Variants in LTBR observed in about 807,000 individuals in gnomAD.
The protein encoded by LTBR is lymphotoxin beta receptor.
LTBR carries 15 observed loss-of-function variants against 45.4 expected under a neutral mutation model. The ratio of observed to expected loss-of-function variants is 0.33; its 90% confidence interval spans 0.22 to 0.51. LTBR has a LOEUF of 0.51. LTBR is among the 20% of genes least tolerant of loss of function. The pLI is 0.97. For synonymous variants in LTBR, 228 were observed against 231.0 expected, an observed-to-expected ratio of 0.99 and a Z score of 0.12; for missense variants, 450 against 565.5, an observed-to-expected ratio of 0.80 and a Z score of 2.07.
chr12:6,382,526 G>T (rs974472319), upstream of LTBR, among the ~76,000 whole-genome samples: 28 of 152,188 alleles, frequency 1.8e-4, no homozygotes, highest in African/African-American at 6.5e-4. Context: ...AGCCCCCAGC[G>T]CTAGGGCCCT....
chr12:6,381,423 A>T (rs749093374), upstream of LTBR, among the ~76,000 whole-genome samples: 7 of 152,328 alleles, frequency 4.6e-5, no homozygotes, highest in Non-Finnish European at 8.8e-5. Flanking sequence ...CAGACCTGCA[A>T]GCAAACCAGT....
chr12:6,389,979 G>C, intron 8 of LTBR, 133 bp from the exon 9 acceptor site: 2 of 669,478 alleles, frequency 3.0e-6, no homozygotes, highest in Non-Finnish European at 5.2e-6. Flanking sequence ...GAGAGAGAGA[G>C]AAAGAGAGAG....
chr12:6,380,683 C>T (rs1783444959), upstream of LTBR, among the ~76,000 whole-genome samples: 1 of 147,538 alleles, frequency 6.8e-6, no homozygotes, highest in Admixed American at 6.8e-5. Context: ...GACTGAGACT[C>T]TGTCTCAAAA....
chr12:6,383,029 T>A (rs1949000240), upstream of LTBR, among the ~76,000 whole-genome samples: 1 of 152,202 alleles, frequency 6.6e-6, no homozygotes, highest in Admixed American at 6.5e-5. Context: ...TGTGCCAGAC[T>A]CTGCTAAGCA....
Position 6,386,293 on chromosome 12 carries a change from G to T in LTBR, c.570-54G>T. 1.9e-6 allele frequency: 3 copies of T among 1,540,980 alleles called. No individual in the cohort carries two copies. Among genetic ancestry groups the T allele is most frequent in the African/African-American group, 2.7e-5 (2 of 73,468 alleles). ...GCCTCCCCGCCTGCCCAGTGGAGTCGGGACACTGGTGGGCCAGGGCGTGAA... is the reference window on the plus strand; with the variant it reads ...GCCTCCCCGCCTGCCCAGTGGAGTCTGGACACTGGTGGGCCAGGGCGTGAA... On this transcript the variant is annotated intron_variant, in intron 5 of 9. Coordinates refer to ENST00000228918, the MANE Select transcript of LTBR (RefSeq NM_002342.3). The surrounding 1 kb of genome is among the most constrained non-coding windows in gnomAD (Gnocchi z 4.1).
chr12:6,390,594 A>G (rs1287916304), intron 9 of LTBR, 66 bp from the exon 10 acceptor site: 23 of 1,464,380 alleles, frequency 1.6e-5, no homozygotes, highest in Non-Finnish European at 2.1e-5. Context: ...GAAGGCAAGA[A>G]TTCAAGAAGC....
upstream of LTBR, among the ~76,000 whole-genome samples, chr12:6,381,223 T>A (rs1191405583): frequency 6.6e-6 from 1 of 151,952 alleles, no homozygotes; most frequent in East Asian, 1.9e-4. Context: ...GATGGCAGGG[T>A]GATGTAGCAT....
Position 6,390,884 on chromosome 12 carries a change from G to A in LTBR, c.1255G>A (p.Gly419Ser). 1 of 1,600,800 alleles carries A rather than the reference G, an allele frequency of 6.2e-7. No individual in the cohort carries two copies. Among genetic ancestry groups the A allele is most frequent in the East Asian group, 2.3e-5 (1 of 44,154 alleles). The change falls in exon 10 of 10, where the codon GGT (glycine) becomes AGT (serine). Residue 419 changes from glycine to serine, a missense_variant. By Grantham distance (56) the Gly-to-Ser change is moderately conservative (BLOSUM62 0). Around this residue, in one of 3 missense-constraint regions of LTBR, gnomAD observed 71 missense variants for 90.4 expected, o/e 0.79. Transcript: ENST00000228918. ...GCACCTAGCGGAGACAGAGCACTGT[G>A]GTGCCACACCCTCTAACAGGGGCCC... The part of the protein sequence containing the change: ...AWHLAETEHC[G>S]ATPSNRGPRN...
At chr12:6,377,678 T>C (rs1158782252) in intron 1 of LTBR, 1 of 1,299,592 alleles carries the variant, frequency 7.7e-7, no homozygotes, top group Non-Finnish European at 1.0e-6. Flanking sequence ...TTGGGCATGG[T>C]CCTCCCTGCA....
chr12:6,381,868 G>A (rs1344866367), upstream of LTBR, among the ~76,000 whole-genome samples: 2 of 152,216 alleles, frequency 1.3e-5, no homozygotes, highest in South Asian at 2.1e-4. Context: ...AGCTACTCGG[G>A]AGGTTGAGGC....
intron 3 of LTBR, 21 bp downstream of exon 3, chr12:6,385,168 G>A (rs770188834): frequency 5.6e-6 from 9 of 1,613,666 alleles, no homozygotes; most frequent in Non-Finnish European, 6.8e-6. Context: ...ATGTGCCTGC[G>A]GGGGGGCTGG....
At position 6,386,508 on chromosome 12, in the gene LTBR, C is replaced by T; in HGVS notation, c.667+64C>T. ...CTGAAAATGCCTTAATGCTCCACATCTTAAAAAAAATGGGGAAAAGATGAA... is the reference window on the plus strand; with the variant it reads ...CTGAAAATGCCTTAATGCTCCACATTTTAAAAAAAATGGGGAAAAGATGAA... On this transcript the variant is annotated intron_variant, in intron 6 of 9. Transcript: ENST00000228918. The surrounding 1 kb of genome is among the most constrained non-coding windows in gnomAD (Gnocchi z 4.1). The T allele has an allele frequency of 8.0e-7, 1 of 1,255,902 alleles. No individual in the cohort carries two copies. Among genetic ancestry groups the T allele is most frequent in the Non-Finnish European group, 1.1e-6 (1 of 876,856 alleles). 77.8% of individuals were successfully genotyped at this position (1,255,902 alleles called of 1,614,324 possible).
Position 6,384,702 on chromosome 12 carries a change from G to A in LTBR, c.193+18G>A. Reference sequence around the variant, plus strand: ...CCCGCCAGGTGAGAGGCAATGGCAGGACGAACCTGGGCCTCGGAAGTGGGT... The same window carrying A: ...CCCGCCAGGTGAGAGGCAATGGCAGAACGAACCTGGGCCTCGGAAGTGGGT... On this transcript the variant is annotated intron_variant, in intron 2 of 9. Transcript: ENST00000228918. 1 of 1,611,462 alleles carries A rather than the reference G, an allele frequency of 6.2e-7. No homozygotes were observed. Among genetic ancestry groups the A allele is most frequent in the East Asian group, 2.2e-5 (1 of 44,864 alleles).
chr12:6,375,224 T>G (rs1055291189), upstream of LTBR: 5 of 1,440,436 alleles, frequency 3.5e-6, no homozygotes, highest in East Asian at 1.0e-4. Context: ...GCCTTCTGTT[T>G]CTCTTTGGGT....
upstream of LTBR, among the ~76,000 whole-genome samples, chr12:6,379,936 AAAAAAAAAAAAC>A (rs1305387054): frequency 3.2e-4 from 31 of 95,532 alleles, no homozygotes; most frequent in Non-Finnish European, 7.0e-4. Context: ...TCTGTCTCAA[AAAAAAAAAAAAC>A]AAAAAAAAAA....
At chr12:6,376,012 G>T in intron 1 of LTBR, 1 of 1,002,708 alleles carries the variant, frequency 1.0e-6, no homozygotes. Flanking sequence ...GCACCAAAGG[G>T]AGTCTGTCTC....
intron 2 of LTBR, 121 bp from the exon 3 acceptor site, chr12:6,384,901 C>A: frequency 7.4e-7 from 1 of 1,352,758 alleles, no homozygotes; most frequent in Non-Finnish European, 1.0e-6. Flanking sequence ...AGCCGGAGGG[C>A]CACTGGCAGG....
chr12:6,386,556 A>C lies in LTBR; in HGVS notation c.667+112A>C, dbSNP rs41517250. The stretch of plus-strand genomic sequence containing the variant: ...GAACACTTCCCTCCCAGAATTGGGC[A>C]AGAAGAAAGTTCCTTACAGAAAAAA... On this transcript the variant is annotated intron_variant, in intron 6 of 9. Transcript: ENST00000228918. This position sits in a 1 kb window ranked among gnomAD's most constrained non-coding sequence, Gnocchi z 4.1. 1.9e-3 allele frequency: 1,554 copies of C among 802,942 alleles called. 17 individuals are homozygous for C. In the African/African-American group the frequency reaches 0.024, roughly 12 times the overall value. The allele number at this position is 802,942 out of a possible 1,614,324, so 49.7% of individuals were successfully genotyped here.
Position 6,385,172 on chromosome 12 carries a change from G to A in LTBR, c.319+25G>A, listed in dbSNP as rs775764687. ...GGTGAGTGGGGATGTGCCTGCGGGG[G>A]GGCTGGATCCCCTGGAGCTTGGCCC... On this transcript the variant is annotated intron_variant, in intron 3 of 9. Transcript: ENST00000228918. The A allele has an allele frequency of 5.0e-6, 8 of 1,614,196 alleles. No homozygotes were observed. The South Asian group carries it at 6.6e-5, about 13-fold the overall frequency.
Sources: gnomAD v4.1 joint callset for allele counts (sites outside exome capture counted in the v4.1 genomes callset) on GRCh38, gnomAD v4.1.1 for gene constraint, gnomAD v4.1.1 regional missense constraint, Gnocchi (gnomAD v3.1) non-coding constraint, MANE v1.5 for transcripts, NCBI Gene and HGNC (gene_info 2026-07-23, HGNC 2026-07-21) for gene names.